The following NPAS3 variants were observed in gnomAD, a reference collection of about 807,000 sequenced individuals.
NPAS3 encodes the protein neuronal PAS domain protein 3, also known as neuronal PAS domain-containing protein 3.
NPAS3 carries 14 observed loss-of-function variants against 73.1 expected under a neutral mutation model. The observed-to-expected ratio is 0.19, with a 90% CI of 0.13 to 0.30. The LOEUF (loss-of-function observed/expected upper bound fraction) is 0.30, where lower values mean the gene tolerates loss of function less well. NPAS3 is among the 10% of genes least tolerant of loss of function. The probability of loss-of-function intolerance (pLI) is 1.00; values close to 1 mark genes in which losing one functional copy is unlikely to be tolerated. For synonymous variants in NPAS3, 620 were observed against 541.5 expected, an observed-to-expected ratio of 1.14 and a Z score of -2.01; for missense variants, 1,096 against 1,250.0, an observed-to-expected ratio of 0.88 and a Z score of 1.86.
At chr14:33,784,719 A>ATTTT (rs1412386463) in intron 9 of NPAS3, among the ~76,000 whole-genome samples, 836 of 74,976 alleles carry the variant, frequency 0.011, 13 homozygotes, top group African/African-American at 0.037. Flanking sequence ...TTTTATTGTT[A>ATTTT]TTTTTATTTA....
chr14:33,207,478 A>G (rs191687770), intron 2 of NPAS3, among the ~76,000 whole-genome samples: 42 of 152,340 alleles, frequency 2.8e-4, no homozygotes, highest in African/African-American at 9.9e-4. Context: ...AACCAGTGGC[A>G]CAGAACCTTC....
chr14:33,776,563 C>CAAAAAAAAA (rs2062827061), intron 8 of NPAS3, among the ~76,000 whole-genome samples: 2 of 71,918 alleles, frequency 2.8e-5, no homozygotes, highest in Non-Finnish European at 2.8e-5. Context: ...AAAAAAAAAG[C>CAAAAAAAAA]TTTTCACAGT....
At chr14:33,728,257 T>C (rs993558983) in intron 6 of NPAS3, among the ~76,000 whole-genome samples, 1 of 152,212 alleles carries the variant, frequency 6.6e-6, no homozygotes, top group Non-Finnish European at 1.5e-5. Context: ...CCAGGGAGTT[T>C]ATGGTGACAG....
In NPAS3 at chr14:33,118,874, C is replaced by T. The variant is rs181058261; in HGVS notation, c.140+62880C>T. ...AGACAGCTCAGCAAACACATAAATC[C>T]TTTTTTCTCTGTTATCTAGTAGCAC... On this transcript the variant is annotated intron_variant, in intron 2 of 11. Coordinates refer to ENST00000356141, the Ensembl canonical transcript of NPAS3. Among the ~76,000 whole-genome samples, 27 of 151,514 alleles carry T rather than the reference C, an allele frequency of 1.8e-4. No homozygotes were observed. The East Asian group carries it at 4.9e-3, about 27-fold the overall frequency.
rs575601974 is a variant in NPAS3 at position 32,999,468 on chromosome 14, A to G, written c.51-56437A>G. On this transcript the variant is annotated intron_variant, in intron 1 of 11. Coordinates refer to ENST00000356141, the Ensembl canonical transcript of NPAS3. Reference sequence around the variant, plus strand: ...AGAGCTTGCAGTGAGCAGAGATCACACCACTGCACTCCAGCCTGGGTGACA... The same window carrying G: ...AGAGCTTGCAGTGAGCAGAGATCACGCCACTGCACTCCAGCCTGGGTGACA... Among the ~76,000 whole-genome samples, 580 of 152,098 alleles carry G rather than the reference A, an allele frequency of 3.8e-3. 1 individual carries two copies. The highest frequency in any genetic ancestry group is 5.5e-3 in the Non-Finnish European group (374 of 67,968).
chr14:33,120,685 C>T (rs913348079), intron 2 of NPAS3, among the ~76,000 whole-genome samples: 5 of 152,058 alleles, frequency 3.3e-5, no homozygotes, highest in Admixed American at 2.6e-4. Flanking sequence ...CAGCTCTCCT[C>T]CTTCTCAAGA....
At chr14:33,371,485 T>A (rs1428042169) in intron 4 of NPAS3, among the ~76,000 whole-genome samples, 1 of 152,204 alleles carries the variant, frequency 6.6e-6, no homozygotes. Context: ...TCTTGGCCAA[T>A]TATATGCTCT....
chr14:33,499,312 C>G (rs2052396797), intron 4 of NPAS3, among the ~76,000 whole-genome samples: 1 of 151,680 alleles, frequency 6.6e-6, no homozygotes, highest in South Asian at 2.1e-4. Flanking sequence ...GCTGTTAGTA[C>G]CCTATCTTCC....
At chr14:33,188,704 A>G (rs2046067379) in intron 2 of NPAS3, among the ~76,000 whole-genome samples, 1 of 152,204 alleles carries the variant, frequency 6.6e-6, no homozygotes, top group African/African-American at 2.4e-5. Context: ...AGAAGATTAT[A>G]TCTGCAACTT....
chr14:33,234,650 C>A (rs372503811), intron 3 of NPAS3, among the ~76,000 whole-genome samples: 40 of 152,034 alleles, frequency 2.6e-4, no homozygotes, highest in Non-Finnish European at 4.7e-4. Context: ...ACATTTTGCA[C>A]GAATGCCATC....
intron 2 of NPAS3, among the ~76,000 whole-genome samples, chr14:33,099,604 A>G (rs1168629530): frequency 6.6e-6 from 1 of 152,228 alleles, no homozygotes; most frequent in East Asian, 1.9e-4. Context: ...TAAACATTAT[A>G]ATTAGCTCAA....
intron 5 of NPAS3, among the ~76,000 whole-genome samples, chr14:33,636,219 C>T (rs868642098): frequency 6.6e-6 from 1 of 152,214 alleles, no homozygotes; most frequent in African/African-American, 2.4e-5. Context: ...CGTGCCTGGC[C>T]CTAACTTACT....
intron 3 of NPAS3, among the ~76,000 whole-genome samples, chr14:33,342,063 C>T (rs1226802075): frequency 6.6e-6 from 1 of 152,194 alleles, no homozygotes. Context: ...CTTTTTCTCA[C>T]TTTCAGTGTC....
At chr14:33,801,138 C>T (rs780557732), downstream of NPAS3, 4 of 1,548,886 alleles carry the variant, frequency 2.6e-6, no homozygotes, top group South Asian at 2.4e-5. Context: ...CCCGGCCAGG[C>T]CCCGCTTGGA....
intron 3 of NPAS3, among the ~76,000 whole-genome samples, chr14:33,269,426 A>G (rs2040969786): frequency 6.6e-6 from 1 of 152,200 alleles, no homozygotes; most frequent in East Asian, 1.9e-4. Flanking sequence ...TCAGGTCAGA[A>G]TAGGTCTTGA....
chr14:33,127,432 A>T (rs1164718687), intron 2 of NPAS3, among the ~76,000 whole-genome samples: 1 of 152,012 alleles, frequency 6.6e-6, no homozygotes, highest in African/African-American at 2.4e-5. Context: ...ACACTTAATG[A>T]TGTTTGTAGT....
At chr14:32,971,408 T>C (rs1332032231) in intron 1 of NPAS3, among the ~76,000 whole-genome samples, 1 of 152,136 alleles carries the variant, frequency 6.6e-6, no homozygotes, top group Non-Finnish European at 1.5e-5. Context: ...ATAGTCTTAC[T>C]ACCTGTGCAT....
chr14:33,293,354 C>G (rs960229045), intron 3 of NPAS3, among the ~76,000 whole-genome samples: 1 of 152,174 alleles, frequency 6.6e-6, no homozygotes, highest in Non-Finnish European at 1.5e-5. Flanking sequence ...CATACCTTCT[C>G]TGCCCTGCCC....
chr14:33,548,108 G>A lies in NPAS3; in HGVS notation c.469-12013G>A, dbSNP rs548828763. Among the ~76,000 whole-genome samples, 8 of 152,296 alleles carry A rather than the reference G, an allele frequency of 5.3e-5. No homozygotes were observed. The South Asian group carries it at 1.7e-3, about 32-fold the overall frequency. The stretch of plus-strand genomic sequence containing the variant: ...AGTATCTTTATCCCTTCATGCAATC[G>A]TTGTTGGGAATTCGGATGCCTTTGA... On this transcript the variant is annotated intron_variant, in intron 4 of 11. Transcript: ENST00000356141.
Sources: gnomAD v4.1 joint callset for allele counts (sites outside exome capture counted in the v4.1 genomes callset) on GRCh38, gnomAD v4.1.1 for gene constraint, MANE v1.5 for transcripts, NCBI Gene and HGNC (gene_info 2026-07-23, HGNC 2026-07-21) for gene names.